LRRTM4: variants seen among roughly 807,000 people sequenced by gnomAD.
LRRTM4 encodes leucine rich repeat transmembrane neuronal 4.
LRRTM4 carries 25 observed loss-of-function variants against 47.6 expected under a neutral mutation model. That is an observed-to-expected ratio of 0.53 (90% confidence interval 0.38 to 0.73). The LOEUF is 0.73. Among genes scored for constraint, LRRTM4 ranks in the 30% least tolerant of loss-of-function variants. LRRTM4 has a pLI of 0.00. For missense variants in LRRTM4, 638 were observed against 713.4 expected (o/e 0.89, Z 1.20); for synonymous variants, 311 against 269.5 (o/e 1.15, Z -1.51).
At position 77,258,090 on chromosome 2, in the gene LRRTM4, CTG is replaced by C. The variant is rs201726894; in HGVS notation, c.1551+260226_1551+260227del. 8.5e-3 allele frequency among the ~76,000 whole-genome samples: 1,265 copies of C among 149,512 alleles called. 14 individuals are homozygous for C. The highest frequency in any genetic ancestry group is 0.029 in the African/African-American group (1,163 of 40,222). On this transcript the variant is annotated intron_variant, in intron 3 of 3. Transcript: ENST00000409884. Reference sequence around the variant, plus strand: ...TAGCCTGAGCAACAAGACCAAAACTCTGTCTCAAAAATAAAAAGAAAAGAAAA... The same window carrying C: ...TAGCCTGAGCAACAAGACCAAAACTCTCTCAAAAATAAAAAGAAAAGAAAA...
intron 3 of LRRTM4, among the ~76,000 whole-genome samples, chr2:76,994,919 A>G (rs1043082126): frequency 2.6e-5 from 4 of 152,014 alleles, no homozygotes; most frequent in Non-Finnish European, 5.9e-5. Flanking sequence ...CTAAATTATT[A>G]TCTGACCTAA....
intron 3 of LRRTM4, among the ~76,000 whole-genome samples, chr2:77,194,294 T>A (rs956487087): frequency 2.6e-5 from 4 of 152,202 alleles, no homozygotes; most frequent in African/African-American, 9.6e-5. Context: ...ACAACTCTTA[T>A]GTGAGAAAGC....
chr2:77,489,457 A>C (rs1558767432), intron 3 of LRRTM4, among the ~76,000 whole-genome samples: 1 of 152,216 alleles, frequency 6.6e-6, no homozygotes, highest in African/African-American at 2.4e-5. Context: ...CAGGAGAAAA[A>C]CCAAAAATAG....
chr2:76,770,277 C>T (rs1230642629), intron 3 of LRRTM4, among the ~76,000 whole-genome samples: 1 of 152,190 alleles, frequency 6.6e-6, no homozygotes, highest in Admixed American at 6.5e-5. Flanking sequence ...TCTTTCAAAA[C>T]TCATACAAAA....
chr2:77,258,559 C>T (rs1022163818), intron 3 of LRRTM4, among the ~76,000 whole-genome samples: 2 of 151,834 alleles, frequency 1.3e-5, no homozygotes, highest in Non-Finnish European at 2.9e-5. Context: ...TTTACAACTT[C>T]CTGTGAATCT....
intron 3 of LRRTM4, among the ~76,000 whole-genome samples, chr2:76,927,561 T>C (rs1674627516): frequency 6.6e-6 from 1 of 152,126 alleles, no homozygotes; most frequent in African/African-American, 2.4e-5. Context: ...CCAAAAGTCA[T>C]GTATGTAAAA....
chr2:76,956,473 G>T (rs1256203102), intron 3 of LRRTM4, among the ~76,000 whole-genome samples: 1 of 151,342 alleles, frequency 6.6e-6, no homozygotes, highest in Non-Finnish European at 1.5e-5. Context: ...TAGTAAAAGG[G>T]AAGTTTATAG....
At chr2:77,363,118 T>A (rs1672304547) in intron 3 of LRRTM4, among the ~76,000 whole-genome samples, 1 of 152,220 alleles carries the variant, frequency 6.6e-6, no homozygotes, top group Admixed American at 6.5e-5. Flanking sequence ...GGAAGTTTAC[T>A]TCGTGAATCC....
chr2:76,963,928 A>T (rs1279737347), intron 3 of LRRTM4, among the ~76,000 whole-genome samples: 1 of 150,784 alleles, frequency 6.6e-6, no homozygotes, highest in Non-Finnish European at 1.5e-5. Flanking sequence ...TATTACACAA[A>T]ACATGTCATT....
chr2:77,097,462 T>C (rs1670840912), intron 3 of LRRTM4, among the ~76,000 whole-genome samples: 1 of 152,006 alleles, frequency 6.6e-6, no homozygotes, highest in African/African-American at 2.4e-5. Flanking sequence ...TGCCAATCCG[T>C]AAAATCATGT....
chr2:77,101,545 G>C (rs994219038), intron 3 of LRRTM4, among the ~76,000 whole-genome samples: 5 of 152,108 alleles, frequency 3.3e-5, no homozygotes, highest in Admixed American at 3.3e-4. Flanking sequence ...GAACATCATA[G>C]TTAGCCTAAT....
At chr2:77,253,006 T>C (rs1675664137) in intron 3 of LRRTM4, among the ~76,000 whole-genome samples, 2 of 152,194 alleles carry the variant, frequency 1.3e-5, no homozygotes, top group South Asian at 4.2e-4. Flanking sequence ...CTGTGCCCAA[T>C]AATTCTCTCC....
At chr2:76,908,449 C>T (rs1334925463) in intron 3 of LRRTM4, among the ~76,000 whole-genome samples, 1 of 151,040 alleles carries the variant, frequency 6.6e-6, no homozygotes, top group Non-Finnish European at 1.5e-5. Context: ...GGGATGCCCT[C>T]TCTCACCACT....
intron 3 of LRRTM4, among the ~76,000 whole-genome samples, chr2:77,200,418 A>G (rs1673941463): frequency 6.6e-6 from 1 of 152,288 alleles, no homozygotes; most frequent in East Asian, 1.9e-4. Context: ...ATGGAGATGC[A>G]TAATTGTTAT....
intron 3 of LRRTM4, among the ~76,000 whole-genome samples, chr2:77,205,998 G>A (rs775247522): frequency 1.4e-4 from 21 of 151,470 alleles, no homozygotes; most frequent in Non-Finnish European, 2.4e-4. Context: ...ACCACCCCTG[G>A]CAAATTTATT....
intron 3 of LRRTM4, among the ~76,000 whole-genome samples, chr2:76,995,825 A>C (rs1677181616): frequency 6.6e-6 from 1 of 152,120 alleles, no homozygotes; most frequent in Non-Finnish European, 1.5e-5. Context: ...TGAACATGGG[A>C]AATACAAAGT....
At chr2:77,389,405 T>C (rs933784363) in intron 3 of LRRTM4, among the ~76,000 whole-genome samples, 3 of 152,064 alleles carry the variant, frequency 2.0e-5, no homozygotes, top group Non-Finnish European at 4.4e-5. Context: ...TAAATAAGTT[T>C]TGTGATAAGG....
chr2:76,911,184 G>A (rs1674042132), intron 3 of LRRTM4, among the ~76,000 whole-genome samples: 1 of 152,168 alleles, frequency 6.6e-6, no homozygotes, highest in Non-Finnish European at 1.5e-5. Context: ...GGGTCAGGCA[G>A]GTACCGAGTT....
intron 3 of LRRTM4, among the ~76,000 whole-genome samples, chr2:77,053,403 A>G (rs1432830473): frequency 6.6e-6 from 1 of 152,210 alleles, no homozygotes; most frequent in Non-Finnish European, 1.5e-5. Context: ...AGAACAAAGT[A>G]TTTAAAAATC....
Sources: gnomAD v4.1 joint callset for allele counts (sites outside exome capture counted in the v4.1 genomes callset) on GRCh38, gnomAD v4.1.1 for gene constraint, MANE v1.5 for transcripts, NCBI Gene and HGNC (gene_info 2026-07-23, HGNC 2026-07-21) for gene names.